Variants in EYA1 observed in about 807,000 individuals in gnomAD.
EYA1 encodes the protein protein phosphatase EYA1.
A neutral mutation model predicts 82.0 loss-of-function variants in EYA1; 16 were observed. The ratio of observed to expected loss-of-function variants is 0.20; its 90% CI spans 0.13 to 0.30. The LOEUF (loss-of-function observed/expected upper bound fraction) is 0.30. Among genes scored for constraint, EYA1 ranks in the 10% least tolerant of loss-of-function variants. The pLI, the probability that EYA1 is intolerant of heterozygous loss-of-function variation, is 1.00. For missense variants in EYA1, 633 were observed against 730.7 expected (o/e 0.87, Z 1.54); for synonymous variants, 261 against 264.4 (o/e 0.99, Z 0.12).
chr8:71,506,591 T>G (rs1026299443), intron 2 of EYA1, among the ~76,000 whole-genome samples: 1 of 152,224 alleles, frequency 6.6e-6, no homozygotes, highest in Non-Finnish European at 1.5e-5. Flanking sequence ...GTAAAAAGGG[T>G]TTGTTGTTGT....
intron 11 of EYA1, among the ~76,000 whole-genome samples, chr8:71,262,795 A>G (rs986954836): frequency 6.6e-6 from 1 of 152,138 alleles, no homozygotes; most frequent in East Asian, 1.9e-4. Context: ...AGAGAGATGA[A>G]GCATGCCTGT....
At chr8:71,509,765 A>G (rs1812458229) in intron 2 of EYA1, among the ~76,000 whole-genome samples, 1 of 152,208 alleles carries the variant, frequency 6.6e-6, no homozygotes, top group Non-Finnish European at 1.5e-5. Context: ...GAATATATTT[A>G]GAAAAGGTTT....
rs532908988 is a variant in EYA1, at chr8:71,453,118, C to T, written c.33+82626G>A. On this transcript the variant is annotated intron_variant, in intron 2 of 18. Transcript: ENST00000643681. ...AAACCATGGCACAAGAACTACGTGA[C>T]GAATGCACAAGCTTCAGTAGATGAT... is the stretch of plus-strand genomic sequence containing the variant. Among the ~76,000 whole-genome samples the T allele has an allele frequency of 1.0e-3, 153 of 152,164 alleles. 1 individual carries two copies. The highest frequency in any genetic ancestry group is 7.2e-3 in the South Asian group (35 of 4,828).
intron 2 of EYA1, among the ~76,000 whole-genome samples, chr8:71,441,468 G>A (rs1806430788): frequency 6.6e-6 from 1 of 152,132 alleles, no homozygotes; most frequent in Non-Finnish European, 1.5e-5. Context: ...CAGACTGGAA[G>A]TCTAATTTCT....
chr8:71,265,172 T>G (rs535589096), intron 11 of EYA1, among the ~76,000 whole-genome samples: 24 of 152,248 alleles, frequency 1.6e-4, no homozygotes, highest in South Asian at 8.3e-4. Flanking sequence ...GTTTTGTTTT[T>G]TTTTGATAGT....
intron 2 of EYA1, among the ~76,000 whole-genome samples, chr8:71,436,989 T>C (rs567441497): frequency 1.8e-4 from 27 of 151,614 alleles, no homozygotes; most frequent in African/African-American, 6.0e-4. Flanking sequence ...TCCTGGGTAT[T>C]ATAGTTCTAA....
chr8:71,540,697 C>T (rs1278404079), intron 1 of EYA1, among the ~76,000 whole-genome samples: 4 of 152,082 alleles, frequency 2.6e-5, no homozygotes. Flanking sequence ...TATTTTTCAT[C>T]TCTAATGAAC....
At chr8:71,302,604 T>C (rs934114401) in intron 7 of EYA1, among the ~76,000 whole-genome samples, 2 of 104,034 alleles carry the variant, frequency 1.9e-5, no homozygotes, top group African/African-American at 5.8e-5. Context: ...AAAAGGATCT[T>C]ACTTTAGGGA....
At chr8:71,528,996 AG>A (rs1814042164) in intron 2 of EYA1, among the ~76,000 whole-genome samples, 1 of 152,210 alleles carries the variant, frequency 6.6e-6, no homozygotes, top group Admixed American at 6.5e-5. Flanking sequence ...CAGTTTACAA[AG>A]TGCTTTGGCA....
At chr8:71,285,361 C>A (rs1366540721) in intron 9 of EYA1, among the ~76,000 whole-genome samples, 1 of 152,156 alleles carries the variant, frequency 6.6e-6, no homozygotes, top group Non-Finnish European at 1.5e-5. Flanking sequence ...AGACTCCAAG[C>A]AAATCCTGTA....
chr8:71,329,351 T>TCTCATG (rs1823541223), intron 4 of EYA1, among the ~76,000 whole-genome samples: 1 of 152,186 alleles, frequency 6.6e-6, no homozygotes, highest in Non-Finnish European at 1.5e-5. Flanking sequence ...TTTCATATTC[T>TCTCATG]CTCATGCTCT....
In EYA1 at chr8:71,303,508, G is replaced by A. The variant is rs1586265705; in HGVS notation, c.557-3788C>T. ...TAACCCATACAAATATCCCCAGAGTGCAAAATATAATAACAATACTAGAGG... is the reference window on the plus strand; with the variant it reads ...TAACCCATACAAATATCCCCAGAGTACAAAATATAATAACAATACTAGAGG... On this transcript the variant is annotated intron_variant, in intron 7 of 17. Transcript: ENST00000340726. Among the ~76,000 whole-genome samples, 3 of 142,514 alleles carry A rather than the reference G, an allele frequency of 2.1e-5. 1 individual carries two copies. The South Asian group carries it at 6.8e-4, about 32-fold the overall frequency. The allele number at this position is 142,514 out of a possible 152,430, so 93.5% of individuals were successfully genotyped here. A position where few individuals can be genotyped will look rare whatever the true frequency, so the allele number is the denominator to read the frequency against.
intron 7 of EYA1, among the ~76,000 whole-genome samples, chr8:71,313,333 T>A (rs1321603962): frequency 6.6e-6 from 1 of 152,198 alleles, no homozygotes; most frequent in Non-Finnish European, 1.5e-5. Context: ...TTCTCTTTCA[T>A]GTCTAAAATA....
At chr8:71,346,852 T>G (rs975359971) in intron 3 of EYA1, among the ~76,000 whole-genome samples, 1 of 152,200 alleles carries the variant, frequency 6.6e-6, no homozygotes, top group African/African-American at 2.4e-5. Context: ...GTAAACTTAA[T>G]GAATGCTCTT....
At chr8:71,531,371 A>T (rs189413865) in intron 2 of EYA1, 54 of 152,322 alleles carry the variant, frequency 3.5e-4, no homozygotes, top group African/African-American at 1.3e-3. Flanking sequence ...CTAGTAAAAG[A>T]TAAAACCAGG....
At chr8:71,348,833 C>T (rs371840898) in intron 3 of EYA1, among the ~76,000 whole-genome samples, 6 of 152,158 alleles carry the variant, frequency 3.9e-5, no homozygotes, top group African/African-American at 1.2e-4. Context: ...CAACAAATGC[C>T]AACAGTGTTG....
intron 2 of EYA1, among the ~76,000 whole-genome samples, chr8:71,424,715 T>C (rs1831324592): frequency 6.6e-6 from 1 of 152,142 alleles, no homozygotes; most frequent in African/African-American, 2.4e-5. Flanking sequence ...TATTTCCCCT[T>C]GAACTTTCTG....
rs149447793 is a variant in EYA1, at chr8:71,285,030, C to T, written c.827-13133G>A. 2.8e-3 allele frequency among the ~76,000 whole-genome samples: 430 copies of T among 152,332 alleles called. 1 individual carries two copies. Among genetic ancestry groups the T allele is most frequent in the African/African-American group, 9.9e-3 (411 of 41,580 alleles). On this transcript the variant is annotated intron_variant, in intron 9 of 17. Coordinates refer to ENST00000340726, the MANE Select transcript of EYA1 (RefSeq NM_000503.6). Reference sequence around the variant, plus strand: ...GCTCCTGAGGACAGTGAATGACCCTCTTGTCTTCTATATCTCCATAGAACC... The same window carrying T: ...GCTCCTGAGGACAGTGAATGACCCTTTTGTCTTCTATATCTCCATAGAACC...
At chr8:71,358,786 T>C (rs1011555702) in intron 1 of EYA1, among the ~76,000 whole-genome samples, 6 of 152,182 alleles carry the variant, frequency 3.9e-5, no homozygotes, top group Non-Finnish European at 7.4e-5. Context: ...ATAATATCTC[T>C]GGAAGTTTCT....
Sources: allele counts gnomAD v4.1 joint callset (sites outside exome capture counted in the v4.1 genomes callset), GRCh38; gene constraint gnomAD v4.1.1; transcripts MANE v1.5; gene names NCBI Gene and HGNC (gene_info 2026-07-23, HGNC 2026-07-21).